FILIP1: variants seen among roughly 807,000 people sequenced by gnomAD.
FILIP1 encodes filamin-A-interacting protein 1.
In FILIP1, 61 loss-of-function variants were observed where a neutral mutation model predicts 102.1. The observed-to-expected ratio is 0.60, with a 90% CI of 0.49 to 0.74. FILIP1 has a LOEUF of 0.74. Ranked by LOEUF, FILIP1 falls within the 30% of genes least tolerant of loss-of-function variation. FILIP1 has a pLI of 0.00. For missense variants in FILIP1, 1,314 were observed against 1,441.2 expected (o/e 0.91, Z 1.43); for synonymous variants, 491 against 526.9 (o/e 0.93, Z 0.93).
intron 4 of FILIP1, among the ~76,000 whole-genome samples, chr6:75,341,763 A>T (rs2149589229): frequency 6.6e-6 from 1 of 152,204 alleles, no homozygotes; most frequent in East Asian, 1.9e-4. Flanking sequence ...AGTTTTCCTG[A>T]GTCTACATAT....
intron 2 of FILIP1, among the ~76,000 whole-genome samples, chr6:75,397,327 A>T (rs1383497267): frequency 6.6e-6 from 1 of 151,974 alleles, no homozygotes. Flanking sequence ...TGTATGCAAC[A>T]TTGATCTTAT....
chr6:75,414,361 T>C (rs1457477124), intron 2 of FILIP1, among the ~76,000 whole-genome samples: 1 of 152,074 alleles, frequency 6.6e-6, no homozygotes, highest in East Asian at 1.9e-4. Context: ...CATTTCTACA[T>C]TTTTCAGTCA....
intron 2 of FILIP1, among the ~76,000 whole-genome samples, chr6:75,365,512 G>C (rs941520732): frequency 3.6e-4 from 54 of 152,056 alleles, no homozygotes; most frequent in African/African-American, 1.3e-3. Flanking sequence ...TCAGCCTCCT[G>C]AGTAGCTGGG....
At chr6:75,336,751 C>T (rs1465157592) in intron 4 of FILIP1, among the ~76,000 whole-genome samples, 1 of 152,014 alleles carries the variant, frequency 6.6e-6, no homozygotes, top group African/African-American at 2.4e-5. Context: ...GTTTCTTTTC[C>T]CTCCCTGTTT....
At chr6:75,444,885 A>G (rs1274047027) in intron 1 of FILIP1, among the ~76,000 whole-genome samples, 1 of 152,232 alleles carries the variant, frequency 6.6e-6, no homozygotes, top group African/African-American at 2.4e-5. Flanking sequence ...AAAATAATTT[A>G]TAATCCCCAT....
At chr6:75,309,864 C>T (rs1773119517) in intron 5 of FILIP1, among the ~76,000 whole-genome samples, 1 of 152,198 alleles carries the variant, frequency 6.6e-6, no homozygotes. Context: ...AAGCCTGCTC[C>T]ATCATTAAGA....
chr6:75,362,861 C>T lies in FILIP1; in HGVS notation c.333G>A (p.Leu111=). ...LKTEKTKPEV[L]EAHYGSAEPE... is the part of the protein sequence containing the mutation. ...GCTCCGCAGACCCGTAATGAGCCTCCAGAACCTCAGGCTTGGTTTTCTCTG... is the reference window on the plus strand; with the variant it reads ...GCTCCGCAGACCCGTAATGAGCCTCTAGAACCTCAGGCTTGGTTTTCTCTG... Residue 111 remains leucine (L), a synonymous_variant, in exon 3 of 6, where the codon CTG becomes CTA. Coordinates refer to ENST00000237172, the MANE Select transcript of FILIP1 (RefSeq NM_015687.5). 1 of 1,614,030 alleles carries T rather than the reference C, an allele frequency of 6.2e-7. No homozygotes were observed. The highest frequency in any genetic ancestry group is 8.5e-7 in the Non-Finnish European group (1 of 1,180,002).
chr6:75,314,076 AT>A lies in FILIP1; in HGVS notation c.1755del (p.Lys585AsnfsTer5). 1 of 1,502,722 alleles carries A rather than the reference AT, an allele frequency of 6.7e-7. No individual in the cohort carries two copies. The highest frequency in any genetic ancestry group is 8.8e-7 in the Non-Finnish European group (1 of 1,133,694). The allele number at this position is 1,502,722 out of a possible 1,614,324, so 93.1% of individuals were successfully genotyped here. On this transcript the variant is annotated frameshift_variant, in exon 5 of 6. Coordinates refer to ENST00000237172, the MANE Select transcript of FILIP1 (RefSeq NM_015687.5). LOFTEE classifies it high-confidence loss of function. ...TCAACACTGCAGCTTAATTCAGAGG[AT>A]TTTTCTTCTTCACTTTTCAATTTGC... The part of the protein sequence containing the change: ...LIGKLKSEEE[K>X]SSELSCSVDL...
chr6:75,311,923 ATCT>A (rs1055691942), intron 5 of FILIP1, among the ~76,000 whole-genome samples: 3 of 148,734 alleles, frequency 2.0e-5, no homozygotes, highest in Non-Finnish European at 4.6e-5. Context: ...TGATATTAAA[ATCT>A]TCTCATCTTA....
At chr6:75,312,360 C>A in intron 5 of FILIP1, 37 bp downstream of exon 5, 3 of 1,581,934 alleles carry the variant, frequency 1.9e-6, no homozygotes, top group South Asian at 1.2e-5. Context: ...GTCTCCCTCC[C>A]TCTGCAGGCC....
At chr6:75,297,814 A>G (rs1298825676) in intron 6 of FILIP1, among the ~76,000 whole-genome samples, 1 of 152,248 alleles carries the variant, frequency 6.6e-6, no homozygotes, top group Non-Finnish European at 1.5e-5. Context: ...CCTTCCCTTA[A>G]GAAAGCATAG....
intron 1 of FILIP1, among the ~76,000 whole-genome samples, chr6:75,488,956 A>G (rs1345730826): frequency 6.6e-6 from 1 of 152,184 alleles, no homozygotes; most frequent in East Asian, 1.9e-4. Context: ...TAGTAAAGTT[A>G]AAGTTAGCTT....
At chr6:75,411,792 G>A (rs557110493) in intron 2 of FILIP1, among the ~76,000 whole-genome samples, 16 of 152,068 alleles carry the variant, frequency 1.1e-4, no homozygotes, top group African/African-American at 3.1e-4. Flanking sequence ...TTTTGGTACC[G>A]GTACCATGAT....
chr6:75,471,248 A>T (rs2149764184), intron 1 of FILIP1, among the ~76,000 whole-genome samples: 1 of 151,828 alleles, frequency 6.6e-6, no homozygotes, highest in South Asian at 2.1e-4. Context: ...AAGTACTAGG[A>T]GAAGGTATTT....
At chr6:75,310,666 G>A (rs894039189) in intron 5 of FILIP1, among the ~76,000 whole-genome samples, 11 of 152,100 alleles carry the variant, frequency 7.2e-5, no homozygotes, top group African/African-American at 1.7e-4. Flanking sequence ...AAAATGTTAC[G>A]GCAGAAAATA....
chr6:75,304,954 A>G (rs1207509558), downstream of FILIP1, among the ~76,000 whole-genome samples: 3 of 152,208 alleles, frequency 2.0e-5, no homozygotes, highest in African/African-American at 7.2e-5. Flanking sequence ...AATTCTCTCA[A>G]TAGCTCACCT....
At chr6:75,301,374 A>G (rs1351176761) in intron 6 of FILIP1, among the ~76,000 whole-genome samples, 1 of 152,188 alleles carries the variant, frequency 6.6e-6, no homozygotes, top group Non-Finnish European at 1.5e-5. Flanking sequence ...ATGTACTGGG[A>G]GAAACTGAAG....
At chr6:75,450,634 A>C (rs370273508) in intron 1 of FILIP1, among the ~76,000 whole-genome samples, 3 of 149,786 alleles carry the variant, frequency 2.0e-5, no homozygotes, top group African/African-American at 7.4e-5. Context: ...ACAGAATAAG[A>C]ACTTCTCTCT....
chr6:75,407,880 T>C (rs74436469), intron 2 of FILIP1, among the ~76,000 whole-genome samples: 1 of 152,222 alleles, frequency 6.6e-6, no homozygotes, highest in African/African-American at 2.4e-5. Flanking sequence ...AATTAGTTTG[T>C]CCCTTGTTCT....
Sources: gnomAD v4.1 joint callset for allele counts (sites outside exome capture counted in the v4.1 genomes callset) on GRCh38, gnomAD v4.1.1 for gene constraint, MANE v1.5 for transcripts, NCBI Gene and HGNC (gene_info 2026-07-23, HGNC 2026-07-21) for gene names.